The following MAP1B variants were observed in gnomAD, a reference collection of about 807,000 sequenced individuals.
MAP1B encodes microtubule-associated protein 1B.
A neutral mutation model predicts 176.1 loss-of-function variants in MAP1B; 12 were observed. The observed-to-expected ratio is 0.07, with a 90% CI of 0.04 to 0.11. The LOEUF is 0.11. Among genes scored for constraint, MAP1B ranks in the 10% least tolerant of loss-of-function variants. The probability of loss-of-function intolerance (pLI) is 1.00; values close to 1 mark genes in which losing one functional copy is unlikely to be tolerated. For synonymous variants in MAP1B, 1,044 were observed against 1,135.0 expected, an observed-to-expected ratio of 0.92 and a Z score of 1.61; for missense variants, 2,523 against 2,990.5, an observed-to-expected ratio of 0.84 and a Z score of 3.65.
rs1747423170 is a variant in MAP1B, at chr5:72,205,306, C to T, written c.*67C>T. The T allele has an allele frequency of 6.6e-7, 1 of 1,523,610 alleles. No individual in the cohort carries two copies. The highest frequency in any genetic ancestry group is 1.4e-5 in the African/African-American group (1 of 72,466). 94.4% of individuals were successfully genotyped at this position (1,523,610 alleles called of 1,614,324 possible). A position where few individuals can be genotyped will look rare whatever the true frequency, so the allele number is the denominator to read the frequency against. On this transcript the variant is annotated 3_prime_UTR_variant, in exon 7 of 7. Transcript: ENST00000296755. ...CAGAAATTCTTCAATTTGAAATCAC[C>T]TTTTCTAAAAAGTCAATTCATCTAG...
At chr5:72,113,779 G>A (rs867241653) in intron 1 of MAP1B, among the ~76,000 whole-genome samples, 37 of 152,294 alleles carry the variant, frequency 2.4e-4, no homozygotes, top group Middle Eastern at 3.4e-3. Flanking sequence ...AAGCAGCTCA[G>A]ACAGGAACTC....
At chr5:72,161,973 A>G (rs866128353) in intron 2 of MAP1B, among the ~76,000 whole-genome samples, 79 of 146,932 alleles carry the variant, frequency 5.4e-4, no homozygotes, top group South Asian at 1.3e-3. Flanking sequence ...AAAAAAAAAA[A>G]AAAGAAAGAA....
intron 2 of MAP1B, among the ~76,000 whole-genome samples, chr5:72,182,275 C>G (rs1055801699): frequency 6.6e-6 from 1 of 152,190 alleles, no homozygotes; most frequent in Non-Finnish European, 1.5e-5. Flanking sequence ...CTAATCTACT[C>G]TCTAACTCTA....
Position 72,157,987 on chromosome 5 carries a change from C to T in MAP1B, c.287-25756C>T, listed in dbSNP as rs555001963. Among the ~76,000 whole-genome samples, 42 of 149,024 alleles carry T rather than the reference C, an allele frequency of 2.8e-4. 1 individual carries two copies. In the South Asian group the frequency reaches 7.1e-3, roughly 25 times the overall value. On this transcript the variant is annotated intron_variant, in intron 2 of 6. Coordinates refer to ENST00000296755, the MANE Select transcript of MAP1B (RefSeq NM_005909.5). ...CCCAAGTAGCTGGGATTACAGGCAT[C>T]TGCTACTACACCTGGCTAATTTTTT...
intron 2 of MAP1B, among the ~76,000 whole-genome samples, chr5:72,162,018 C>T (rs1746338688): frequency 6.8e-6 from 1 of 146,968 alleles, no homozygotes; most frequent in African/African-American, 2.7e-5. Context: ...GAATTGACAG[C>T]CAGTTCAGAA....
intron 2 of MAP1B, among the ~76,000 whole-genome samples, chr5:72,127,729 C>A (rs1302664309): frequency 2.6e-5 from 4 of 152,046 alleles, no homozygotes; most frequent in Admixed American, 2.6e-4. Flanking sequence ...GATAATATAT[C>A]CATGGATAAT....
At chr5:72,118,638 G>A (rs1369401237) in intron 2 of MAP1B, among the ~76,000 whole-genome samples, 1 of 151,846 alleles carries the variant, frequency 6.6e-6, no homozygotes, top group Non-Finnish European at 1.5e-5. Flanking sequence ...CATAGAGACG[G>A]GGTCTCACTA....
In MAP1B at chr5:72,164,123, G is replaced by C. The variant is rs571541039; in HGVS notation, c.287-19620G>C. On this transcript the variant is annotated intron_variant, in intron 2 of 6. Coordinates refer to ENST00000296755, the MANE Select transcript of MAP1B (RefSeq NM_005909.5). ...CTGGCTAATTTTTTGTAGAGGCAGAGTCTTGTTATGTTGCCCAGGCTGGTC... is the reference window on the plus strand; with the variant it reads ...CTGGCTAATTTTTTGTAGAGGCAGACTCTTGTTATGTTGCCCAGGCTGGTC... Among the ~76,000 whole-genome samples the C allele has an allele frequency of 1.6e-3, 242 of 151,782 alleles. 2 individuals are homozygous for C. Among genetic ancestry groups the C allele is most frequent in the African/African-American group, 5.5e-3 (229 of 41,410 alleles).
chr5:72,147,676 C>G lies in MAP1B; in HGVS notation c.286+31877C>G, dbSNP rs1209659429. On this transcript the variant is annotated intron_variant, in intron 2 of 6. Transcript: ENST00000296755. ...TGTGCCCTCCCAGGGACTACCCATC[C>G]TCTCCTCCAGTACAGACAGAAGGTG... 1.3e-5 allele frequency among the ~76,000 whole-genome samples: 2 copies of G among 152,182 alleles called. 1 individual carries two copies. Among genetic ancestry groups the G allele is most frequent in the Admixed American group, 1.3e-4 (2 of 15,284 alleles).
chr5:72,119,021 G>T (rs1476783374), intron 2 of MAP1B, among the ~76,000 whole-genome samples: 1 of 152,144 alleles, frequency 6.6e-6, no homozygotes, highest in Admixed American at 6.5e-5. Context: ...TTTGAGATTT[G>T]ATTTGACTAT....
At chr5:72,192,214 TG>T (rs1165816763) in intron 4 of MAP1B, among the ~76,000 whole-genome samples, 1 of 152,250 alleles carries the variant, frequency 6.6e-6, no homozygotes, top group Non-Finnish European at 1.5e-5. Flanking sequence ...GTGATTGTGA[TG>T]AGAGTCTCTG....
At chr5:72,114,510 C>T (rs2112118683) in intron 1 of MAP1B, among the ~76,000 whole-genome samples, 1 of 152,292 alleles carries the variant, frequency 6.6e-6, no homozygotes, top group South Asian at 2.1e-4. Context: ...GAGATTTGTT[C>T]CTGGCAATTG....
In MAP1B at chr5:72,208,488, C is replaced by G. The variant is rs1287099391; in HGVS notation, c.*3249C>G. 1.3e-5 allele frequency: 2 copies of G among 152,188 alleles called. No individual in the cohort carries two copies. The highest frequency in any genetic ancestry group is 2.9e-5 in the Non-Finnish European group (2 of 68,032). The allele number at this position is 152,188 out of a possible 1,614,324, so 9.4% of individuals were successfully genotyped here. A position where few individuals can be genotyped will look rare whatever the true frequency, so the allele number is the denominator to read the frequency against. On this transcript the variant is annotated 3_prime_UTR_variant, in exon 7 of 7. Coordinates refer to ENST00000296755, the MANE Select transcript of MAP1B (RefSeq NM_005909.5). ...TTTCAATTTTAACCAATTCTGTCCC[C>G]TTTCTCAAAACCCTGAGCCCTGTGC...
rs187937654 is a variant in MAP1B at position 72,171,763 on chromosome 5, C to T, written c.287-11980C>T. ...AATCAGGACTGTGCCCCTGGTGTGC[C>T]GAGAATCACCCTTCAGGTCTGGAAG... is the stretch of plus-strand genomic sequence containing the variant. On this transcript the variant is annotated intron_variant, in intron 2 of 6. Coordinates refer to ENST00000296755, the MANE Select transcript of MAP1B (RefSeq NM_005909.5). Among the ~76,000 whole-genome samples the T allele has an allele frequency of 5.3e-5, 8 of 152,108 alleles. No homozygotes were observed. In the East Asian group the frequency reaches 5.8e-4, roughly 11 times the overall value.
chr5:72,122,216 G>A lies in MAP1B; in HGVS notation c.286+6417G>A, dbSNP rs182397973. ...CCCTAGCCTTTCTCCCACTTGCCCC[G>A]TGCCCTGAGCCCTCCTGGCCCGGTT... On this transcript the variant is annotated intron_variant, in intron 2 of 6. Coordinates refer to ENST00000296755, the MANE Select transcript of MAP1B (RefSeq NM_005909.5). 1.1e-3 allele frequency among the ~76,000 whole-genome samples: 162 copies of A among 152,080 alleles called. 2 individuals are homozygous for A. The East Asian group carries it at 0.019, about 17-fold the overall frequency.
chr5:72,125,160 C>T (rs148501711), intron 2 of MAP1B, among the ~76,000 whole-genome samples: 27 of 152,240 alleles, frequency 1.8e-4, no homozygotes, highest in African/African-American at 6.0e-4. Flanking sequence ...ATGTAGCAAC[C>T]GCTTTTTTAT....
intron 2 of MAP1B, among the ~76,000 whole-genome samples, chr5:72,122,267 C>A (rs961414041): frequency 6.6e-6 from 1 of 152,064 alleles, no homozygotes; most frequent in African/African-American, 2.4e-5. Context: ...ATCGGCAGCT[C>A]CTCATGCTGT....
intron 2 of MAP1B, among the ~76,000 whole-genome samples, chr5:72,167,110 A>G (rs1222109523): frequency 6.6e-6 from 1 of 152,096 alleles, no homozygotes; most frequent in African/African-American, 2.4e-5. Flanking sequence ...ACATTACAAA[A>G]GAGAGAGGAG....
Position 72,195,360 on chromosome 5 carries a change from A to C in MAP1B, c.2005A>C (p.Ile669Leu). The stretch of plus-strand genomic sequence containing the variant: ...GGCTAAAAAGGAGGACAAAACACCT[A>C]TCAAGAAGGAGGAAAAACCAAAAAA... ...EVAKKEDKTP[I>L]KKEEKPKKEE... The change falls in exon 5 of 7, where the codon ATC becomes CTC. Residue 669 changes from isoleucine to leucine, a missense_variant. Coordinates refer to ENST00000296755, the MANE Select transcript of MAP1B (RefSeq NM_005909.5). 1.3e-6 allele frequency: 2 copies of C among 1,583,648 alleles called. No homozygotes were observed. Among genetic ancestry groups the C allele is most frequent in the Non-Finnish European group, 1.7e-6 (2 of 1,168,720 alleles).
Sources: allele counts gnomAD v4.1 joint callset (sites outside exome capture counted in the v4.1 genomes callset), GRCh38; gene constraint gnomAD v4.1.1; transcripts MANE v1.5; gene names NCBI Gene and HGNC (gene_info 2026-07-23, HGNC 2026-07-21).